SEC31A: variants seen among roughly 807,000 people sequenced by gnomAD.
The protein encoded by SEC31A is protein transport protein Sec31A.
A neutral mutation model predicts 151.0 loss-of-function variants in SEC31A; 70 were observed. The ratio of observed to expected loss-of-function variants is 0.46; its 90% CI spans 0.38 to 0.57. The LOEUF is 0.57. Among genes scored for constraint, SEC31A ranks in the 20% least tolerant of loss-of-function variants. The pLI is 0.00. For synonymous variants in SEC31A, 475 were observed against 505.9 expected, an observed-to-expected ratio of 0.94 and a Z score of 0.82; for missense variants, 1,330 against 1,471.2, an observed-to-expected ratio of 0.90 and a Z score of 1.57.
chr4:82,857,449 C>A (rs1400266714), intron 15 of SEC31A, among the ~76,000 whole-genome samples: 1 of 152,128 alleles, frequency 6.6e-6, no homozygotes, highest in Non-Finnish European at 1.5e-5. Flanking sequence ...AAAGTGAGTT[C>A]TTTCTCACAC....
chr4:82,853,655 A>T lies in SEC31A; in HGVS notation c.2069T>A (p.Leu690His). The change falls in exon 18 of 27, where the codon CTC (leucine) becomes CAC (histidine). Residue 690 changes from leucine to histidine, a missense_variant. Leu to His is a moderately conservative substitution (Grantham distance 99). Coordinates refer to ENST00000395310, the MANE Select transcript of SEC31A (RefSeq NM_001077207.4). Reference protein sequence around the residue: ...GDSLLQTQACLCYICAGNVEK... With the variant: ...GDSLLQTQACHCYICAGNVEK... ...TACATTCCCTGCACAAATATAGCAG[A>T]GACATGCTTGAGTCTGCAGGAGGCT... 6.2e-7 allele frequency: 1 copy of T among 1,603,322 alleles called. No individual in the cohort carries two copies. Among genetic ancestry groups the T allele is most frequent in the Non-Finnish European group, 8.5e-7 (1 of 1,177,164 alleles).
At chr4:82,831,380 G>A (rs1434779962) in intron 22 of SEC31A, 1 of 154,696 alleles carries the variant, frequency 6.5e-6, no homozygotes, top group Non-Finnish European at 1.4e-5. Context: ...CACCTAATGT[G>A]TCTATTTTGG....
rs780448344 is a variant in SEC31A, at chr4:82,857,082, C to T, written c.1751G>A (p.Ser584Asn). ...TQALLTGNFE[S>N]AVDLCLHDNR... ...ATCATGTAAACAAAGGTCAACAGCA[C>T]TCTCAAAATTGCCCGTCAGCAAAGC... is the stretch of plus-strand genomic sequence containing the variant. Residue 584 changes from serine to asparagine, a missense_variant, in exon 16 of 27, where the codon AGT (serine) becomes AAT (asparagine). Ser to Asn is a conservative substitution (Grantham distance 46). Coordinates refer to ENST00000395310, the MANE Select transcript of SEC31A (RefSeq NM_001077207.4). 6.2e-7 allele frequency: 1 copy of T among 1,613,856 alleles called. No homozygotes were observed. Among genetic ancestry groups the T allele is most frequent in the Non-Finnish European group, 8.5e-7 (1 of 1,179,960 alleles).
chr4:82,827,258 G>T, intron 24 of SEC31A, 111 bp downstream of exon 24: 1 of 1,236,138 alleles, frequency 8.1e-7, no homozygotes. Flanking sequence ...TTTTTGTTTA[G>T]GTTGTCTAGA....
intron 2 of SEC31A, 63 bp downstream of exon 2, chr4:82,881,795 T>A (rs1318812568): frequency 4.9e-5 from 62 of 1,254,152 alleles, no homozygotes; most frequent in Non-Finnish European, 5.9e-5. Context: ...TTAAACTGAA[T>A]AAGCTAGGTG....
At chr4:82,861,087 C>T (rs1046741820) in intron 14 of SEC31A, among the ~76,000 whole-genome samples, 6 of 149,664 alleles carry the variant, frequency 4.0e-5, no homozygotes, top group Non-Finnish European at 8.9e-5. Flanking sequence ...AAAAAACACC[C>T]AGAAAATTAA....
At chr4:82,883,413 A>G (rs1260139155) in intron 1 of SEC31A, among the ~76,000 whole-genome samples, 1 of 152,206 alleles carries the variant, frequency 6.6e-6, no homozygotes, top group Non-Finnish European at 1.5e-5. Context: ...ATTTTGATGA[A>G]TATTACCAAG....
At chr4:82,821,203 G>A in intron 25 of SEC31A, 95 bp from the exon 26 acceptor site, 1 of 889,284 alleles carries the variant, frequency 1.1e-6, no homozygotes, top group Non-Finnish European at 1.8e-6. Flanking sequence ...TACTTAAAAT[G>A]TTGAATGGCT....
chr4:82,881,065 T>C (rs956205363), intron 2 of SEC31A, 143 bp from the exon 3 acceptor site: 19 of 667,980 alleles, frequency 2.8e-5, no homozygotes, highest in Non-Finnish European at 4.3e-5. Context: ...CTTAAATTAC[T>C]ATAGCAATGA....
intron 25 of SEC31A, 55 bp from the exon 26 acceptor site, chr4:82,821,163 AC>A: frequency 7.2e-7 from 1 of 1,383,948 alleles, no homozygotes; most frequent in East Asian, 2.3e-5. Context: ...TAACCTAAGA[AC>A]TTGCCCTATC....
intron 2 of SEC31A, 124 bp downstream of exon 2, chr4:82,881,734 G>T: frequency 1.4e-6 from 1 of 712,594 alleles, no homozygotes; most frequent in Non-Finnish European, 2.5e-6. Context: ...TTGGCTGATA[G>T]AATGTCAGTA....
chr4:82,829,624 T>C (rs1001696505), intron 22 of SEC31A, among the ~76,000 whole-genome samples: 4 of 152,162 alleles, frequency 2.6e-5, no homozygotes. Context: ...TCGGGAATTA[T>C]AAGCAAAGTA....
chr4:82,827,953 C>A (rs1292766446), intron 23 of SEC31A, among the ~76,000 whole-genome samples: 5 of 150,908 alleles, frequency 3.3e-5, no homozygotes, highest in Non-Finnish European at 7.4e-5. Context: ...CCCGCTCTGT[C>A]GCCCAGGCTG....
intron 7 of SEC31A, chr4:82,871,297 G>T: frequency 1.5e-6 from 2 of 1,376,992 alleles, no homozygotes; most frequent in Admixed American, 3.2e-5. Context: ...AATTATATTG[G>T]GATTATACAT....
rs1464955606 is a variant in SEC31A at position 82,891,101 on chromosome 4, T to C, written c.-18A>G. On this transcript the variant is annotated 5_prime_UTR_variant, in exon 1 of 27. Transcript: ENST00000395310. ...GGGCGGACGCACCTGGCGAGGACCTTCGGCAGCCGGATCCTGCGTTAGTGC... is the reference window on the plus strand; with the variant it reads ...GGGCGGACGCACCTGGCGAGGACCTCCGGCAGCCGGATCCTGCGTTAGTGC... The C allele has an allele frequency of 1.3e-6, 2 of 1,535,906 alleles. No homozygotes were observed. The highest frequency in any genetic ancestry group is 2.0e-5 in the Admixed American group (1 of 50,998).
At chr4:82,891,027 T>A (rs571224855) in intron 1 of SEC31A, 61 bp downstream of exon 1, 3 of 1,533,118 alleles carry the variant, frequency 2.0e-6, no homozygotes, top group Non-Finnish European at 2.6e-6. Context: ...AGTTTTGGCC[T>A]GGGCTCTACC....
intron 10 of SEC31A, among the ~76,000 whole-genome samples, 177 bp downstream of exon 10, chr4:82,866,631 A>G (rs994520180): frequency 4.6e-5 from 7 of 152,052 alleles, no homozygotes; most frequent in African/African-American, 1.7e-4. Flanking sequence ...TAAAAAAGGG[A>G]AAAAAAAGAG....
chr4:82,839,418 T>C (rs959061343), intron 22 of SEC31A, among the ~76,000 whole-genome samples: 8 of 151,500 alleles, frequency 5.3e-5, no homozygotes, highest in African/African-American at 1.5e-4. Context: ...CCCAAAGTGC[T>C]GGGATTACAG....
At chr4:82,888,280 G>A (rs1741243688) in intron 1 of SEC31A, among the ~76,000 whole-genome samples, 2 of 143,304 alleles carry the variant, frequency 1.4e-5, no homozygotes, top group Non-Finnish European at 3.0e-5. Flanking sequence ...GGAGGCCGAG[G>A]CAGAAGAATC....
Sources: allele counts gnomAD v4.1 joint callset (sites outside exome capture counted in the v4.1 genomes callset), GRCh38; gene constraint gnomAD v4.1.1; transcripts MANE v1.5; gene names NCBI Gene and HGNC (gene_info 2026-07-23, HGNC 2026-07-21).